HAPLN3: variants seen among roughly 807,000 people sequenced by gnomAD.
HAPLN3 encodes the protein extracellular link domain containing, 1.
In HAPLN3, 28 loss-of-function variants were observed where a neutral mutation model predicts 28.1. The observed-to-expected ratio is 1.00, with a 90% CI of 0.74 to 1.37. The LOEUF is 1.37. Among genes scored for constraint, HAPLN3 ranks in the 40% most tolerant of loss-of-function variants. The probability of loss-of-function intolerance (pLI) is 0.00; values close to 1 mark genes in which losing one functional copy is unlikely to be tolerated. For missense variants in HAPLN3, 513 were observed against 504.6 expected (o/e 1.02, Z -0.16); for synonymous variants, 211 against 213.1 (o/e 0.99, Z 0.09).
At chr15:88,894,939 C>T (rs953844742) in intron 1 of HAPLN3, among the ~76,000 whole-genome samples, 9 of 152,176 alleles carry the variant, frequency 5.9e-5, no homozygotes, top group African/African-American at 2.2e-4. Flanking sequence ...GTTGCCTTTG[C>T]CCCAGGCGCC....
Position 88,878,978 on chromosome 15 carries a change from G to A in HAPLN3, c.785C>T (p.Thr262Ile), listed in dbSNP as rs1221401188. Residue 262 changes from threonine to isoleucine, a missense_variant, in exon 4 of 5, where the codon ACT becomes ATT. Coordinates refer to ENST00000359595, the MANE Select transcript of HAPLN3 (RefSeq NM_178232.4). ...GCTATTCCACTCACCCTTGAGGGCA[G>A]TAGCGAAGCAGAATACATCATAGCG... Reference protein sequence around the residue: ...LHRYDVFCFATALKGRVYYLE... With the variant: ...LHRYDVFCFAIALKGRVYYLE... The A allele has an allele frequency of 6.2e-7, 1 of 1,609,342 alleles. No homozygotes were observed. The highest frequency in any genetic ancestry group is 8.5e-7 in the Non-Finnish European group (1 of 1,178,566).
chr15:88,884,241 A>C (rs888789987), intron 2 of HAPLN3, among the ~76,000 whole-genome samples: 8 of 152,102 alleles, frequency 5.3e-5, no homozygotes, highest in African/African-American at 1.9e-4. Context: ...AGGAAGTTTA[A>C]GTTTTTTAAA....
At position 88,881,837 on chromosome 15, in the gene HAPLN3, GCCA is replaced by G; in HGVS notation, c.125-115_125-113del. 3.5e-6 allele frequency: 4 copies of G among 1,147,400 alleles called. No individual in the cohort carries two copies. The Admixed American group carries it at 7.6e-5, about 22-fold the overall frequency. The allele number at this position is 1,147,400 out of a possible 1,614,324, so 71.1% of individuals were successfully genotyped here. A position where few individuals can be genotyped will look rare whatever the true frequency, so the allele number is the denominator to read the frequency against. Reference sequence around the variant, plus strand: ...CCTACAGGCTCAGATTGCAAAAATGGCCACCATGCTCCACCCCTCCCTGTATCC... The same window carrying G: ...CCTACAGGCTCAGATTGCAAAAATGGCCATGCTCCACCCCTCCCTGTATCC... On this transcript the variant is annotated intron_variant, in intron 2 of 4. Coordinates refer to ENST00000359595, the MANE Select transcript of HAPLN3 (RefSeq NM_178232.4). The surrounding 1 kb of genome is among the most constrained non-coding windows in gnomAD (Gnocchi z 6.0).
At chr15:88,886,558 C>T (rs1262277589) in intron 2 of HAPLN3, among the ~76,000 whole-genome samples, 2 of 151,950 alleles carry the variant, frequency 1.3e-5, no homozygotes, top group African/African-American at 4.8e-5. Context: ...GGCATGGTGG[C>T]TTATGCCTGT....
chr15:88,893,468 G>T (rs1441546343), intron 1 of HAPLN3, among the ~76,000 whole-genome samples: 8 of 151,956 alleles, frequency 5.3e-5, no homozygotes. Flanking sequence ...TATGATGTCT[G>T]GTCCCTGGCA....
chr15:88,879,607 C>G lies in HAPLN3; in HGVS notation c.494-338G>C. On this transcript the variant is annotated intron_variant, in intron 3 of 4. Coordinates refer to ENST00000359595, the MANE Select transcript of HAPLN3 (RefSeq NM_178232.4). This position sits in a 1 kb window ranked among gnomAD's most constrained non-coding sequence, Gnocchi z 5.0. ...TCTCCAGACAGGCCCGGGCTTTGGG[C>G]TCTAGGGGCCAGGTTTGACTCCCAG... is the stretch of plus-strand genomic sequence containing the variant. 7.7e-7 allele frequency: 1 copy of G among 1,299,608 alleles called. No individual in the cohort carries two copies. The highest frequency in any genetic ancestry group is 2.1e-4 in the Middle Eastern group (1 of 4,768). The allele number at this position is 1,299,608 out of a possible 1,614,324, so 80.5% of individuals were successfully genotyped here. A position where few individuals can be genotyped will look rare whatever the true frequency, so the allele number is the denominator to read the frequency against.
In HAPLN3 at chr15:88,877,517, C is replaced by T. The variant is rs576323927; in HGVS notation, c.*453G>A. ...CCCTCAGTGGGCAGACTGGGGTCAG[C>T]GGCTTCACAGAGAAGTAGAGGTGGG... On this transcript the variant is annotated 3_prime_UTR_variant, in exon 5 of 5. Coordinates refer to ENST00000359595, the MANE Select transcript of HAPLN3 (RefSeq NM_178232.4). This position sits in a 1 kb window ranked among gnomAD's most constrained non-coding sequence, Gnocchi z 5.1. The T allele has an allele frequency of 8.3e-5, 13 of 156,284 alleles. No individual in the cohort carries two copies. In the South Asian group the frequency reaches 2.6e-3, roughly 31 times the overall value. The allele number at this position is 156,284 out of a possible 1,614,324, so 9.7% of individuals were successfully genotyped here. A position where few individuals can be genotyped will look rare whatever the true frequency, so the allele number is the denominator to read the frequency against.
intron 1 of HAPLN3, among the ~76,000 whole-genome samples, chr15:88,887,841 T>G (rs1897906405): frequency 6.6e-6 from 1 of 151,768 alleles, no homozygotes; most frequent in Admixed American, 6.6e-5. Context: ...CACATGTCTG[T>G]AATCCCAGCT....
rs779801611 is a variant in HAPLN3 at position 88,881,420 on chromosome 15, A to T, written c.430T>A (p.Tyr144Asn). 1 of 1,613,966 alleles carries T rather than the reference A, an allele frequency of 6.2e-7. No individual in the cohort carries two copies. The highest frequency in any genetic ancestry group is 2.2e-5 in the East Asian group (1 of 44,870). ...QDLRLEDYGR[Y>N]RCEVIDGLED... ...AGCCCGTCAATGACCTCACAGCGGTAACGCCCATAGTCCTCCAGCCGCAGA... is the reference window on the plus strand; with the variant it reads ...AGCCCGTCAATGACCTCACAGCGGTTACGCCCATAGTCCTCCAGCCGCAGA... The change falls in exon 3 of 5, where the codon TAC (tyrosine) becomes AAC (asparagine). Residue 144 changes from tyrosine (Y) to asparagine (N), a missense_variant. Tyr to Asn is a moderately radical substitution (Grantham distance 143). Coordinates refer to ENST00000359595, the MANE Select transcript of HAPLN3 (RefSeq NM_178232.4). This position sits in a 1 kb window ranked among gnomAD's most constrained non-coding sequence, Gnocchi z 6.0.
In HAPLN3 at chr15:88,880,816, C is replaced by T. The variant is rs933934236; in HGVS notation, c.493+541G>A. ...AGGAGATCTCACATAAAAATATAAG[C>T]TTATCTTGTCAAGCCAGAAAATTTG... On this transcript the variant is annotated intron_variant, in intron 3 of 4. Transcript: ENST00000359595. The surrounding 1 kb of genome is among the most constrained non-coding windows in gnomAD (Gnocchi z 6.0). Among the ~76,000 whole-genome samples the T allele has an allele frequency of 3.3e-5, 5 of 152,038 alleles. No homozygotes were observed. The highest frequency in any genetic ancestry group is 9.7e-5 in the African/African-American group (4 of 41,368).
Position 88,888,812 on chromosome 15 carries a change from A to G in HAPLN3, c.-47-1467T>C, listed in dbSNP as rs1424273189. ...GATGCAGGAGTTTGCCAGGTGGAGA[A>G]GGACTGACAGGTTTATCCAGTAGGG... On this transcript the variant is annotated intron_variant, in intron 1 of 4. Transcript: ENST00000359595. The surrounding 1 kb of genome is among the most constrained non-coding windows in gnomAD (Gnocchi z 4.1). 6.6e-6 allele frequency among the ~76,000 whole-genome samples: 1 copy of G among 152,212 alleles called. No homozygotes were observed. Among genetic ancestry groups the G allele is most frequent in the Non-Finnish European group, 1.5e-5 (1 of 68,030 alleles).
At chr15:88,886,774 G>A (rs191219090) in intron 2 of HAPLN3, among the ~76,000 whole-genome samples, 124 of 152,190 alleles carry the variant, frequency 8.1e-4, no homozygotes, top group African/African-American at 2.9e-3. Flanking sequence ...GCAGTGAGCC[G>A]AGATCGTGCC....
intron 4 of HAPLN3, 95 bp downstream of exon 4, chr15:88,878,872 C>G (rs552536314): frequency 9.5e-5 from 127 of 1,331,282 alleles, no homozygotes; most frequent in Non-Finnish European, 1.2e-4. Flanking sequence ...ACCAGCAGAG[C>G]CAGCAGAGGG....
intron 1 of HAPLN3, chr15:88,892,905 C>T: frequency 2.0e-6 from 3 of 1,502,728 alleles, no homozygotes; most frequent in Non-Finnish European, 2.7e-6. Flanking sequence ...TATCCAGCCA[C>T]CAACTCCTCA....
At chr15:88,887,404 C>T in intron 1 of HAPLN3, 59 bp from the exon 2 acceptor site, 1 of 1,459,088 alleles carries the variant, frequency 6.9e-7, no homozygotes, top group Admixed American at 2.0e-5. Flanking sequence ...GCCCACATCC[C>T]CTCTGCTCCA....
At position 88,881,357 on chromosome 15, in the gene HAPLN3, C is replaced by G. The variant is rs145539372; in HGVS notation, c.493G>C (p.Gly165Arg). ...CACCCAGTCCCCGTTAGCATCTCAC[C>G]CCGCAGCTCCAGCTCCACCAGACCG... The part of the protein sequence containing the change: ...ESGLVELELR[G>R]VVFPYQSPNG... Residue 165 changes from glycine (G) to arginine (R), a missense_variant and splice_region_variant, in exon 3 of 5, where the codon GGT becomes CGT. By Grantham distance (125) the Gly-to-Arg change is moderately radical. Coordinates refer to ENST00000359595, the MANE Select transcript of HAPLN3 (RefSeq NM_178232.4). The surrounding 1 kb of genome is among the most constrained non-coding windows in gnomAD (Gnocchi z 6.0). 1 of 1,608,566 alleles carries G rather than the reference C, an allele frequency of 6.2e-7. No individual in the cohort carries two copies. The highest frequency in any genetic ancestry group is 1.3e-5 in the African/African-American group (1 of 74,888).
chr15:88,893,951 T>C (rs74983101), intron 1 of HAPLN3, among the ~76,000 whole-genome samples: 5 of 38,084 alleles, frequency 1.3e-4, no homozygotes, highest in East Asian at 8.5e-4. Context: ...AAAGTTGGGG[T>C]GGGGGGGGCG....
chr15:88,892,415 C>T (rs1218255255), intron 1 of HAPLN3, among the ~76,000 whole-genome samples: 3 of 151,792 alleles, frequency 2.0e-5, no homozygotes, highest in Non-Finnish European at 2.9e-5. Context: ...CGAGATCACA[C>T]CTTTGCACTC....
Position 88,879,297 on chromosome 15 carries a change from G to C in HAPLN3, c.494-28C>G, listed in dbSNP as rs1008360780. On this transcript the variant is annotated intron_variant, in intron 3 of 4. Transcript: ENST00000359595. This position sits in a 1 kb window ranked among gnomAD's most constrained non-coding sequence, Gnocchi z 5.0. ...GCAGGGGAAGGAAAGAGGAGCTTAG[G>C]GGGTGGCCAGGGGCCCAGCTGGCTG... The C allele has an allele frequency of 2.3e-5, 37 of 1,603,372 alleles. No homozygotes were observed. The highest frequency in any genetic ancestry group is 4.0e-5 in the African/African-American group (3 of 74,898).
Sources: allele counts gnomAD v4.1 joint callset (sites outside exome capture counted in the v4.1 genomes callset), GRCh38; gene constraint gnomAD v4.1.1; non-coding constraint Gnocchi (gnomAD v3.1); transcripts MANE v1.5; gene names NCBI Gene and HGNC (gene_info 2026-07-23, HGNC 2026-07-21).